Variants in SLC22A2 observed in about 807,000 individuals in gnomAD.
The protein encoded by SLC22A2 is organic cation transporter 2.
In SLC22A2, 46 loss-of-function variants were observed where a neutral mutation model predicts 60.5. The observed-to-expected ratio is 0.76, with a 90% CI of 0.60 to 0.97. The LOEUF is 0.97. Ranked by LOEUF, SLC22A2 falls within the 50% of genes least tolerant of loss-of-function variation. The pLI, the probability that SLC22A2 is intolerant of heterozygous loss-of-function variation, is 0.00. For synonymous variants in SLC22A2, 303 were observed against 267.0 expected (o/e 1.13, Z -1.31); for missense variants, 701 against 706.6 (o/e 0.99, Z 0.09).
chr6:160,240,651 G>A (rs1480475754), intron 9 of SLC22A2, among the ~76,000 whole-genome samples: 1 of 152,130 alleles, frequency 6.6e-6, no homozygotes, highest in South Asian at 2.1e-4. Flanking sequence ...AAGGATTCTG[G>A]GGGTCCTGAG....
chr6:160,221,105 T>C (rs979830974), intron 10 of SLC22A2, among the ~76,000 whole-genome samples: 6 of 152,256 alleles, frequency 3.9e-5, no homozygotes, highest in African/African-American at 1.4e-4. Context: ...AAGGCTGTTG[T>C]GTCTATATTG....
At chr6:160,239,913 G>T (rs1782971114) in intron 9 of SLC22A2, among the ~76,000 whole-genome samples, 1 of 152,126 alleles carries the variant, frequency 6.6e-6, no homozygotes, top group Non-Finnish European at 1.5e-5. Context: ...TAGAGTGGTG[G>T]AAAATTTTCC....
intron 9 of SLC22A2, among the ~76,000 whole-genome samples, chr6:160,233,304 C>T (rs1782855430): frequency 6.6e-6 from 1 of 151,832 alleles, no homozygotes; most frequent in South Asian, 2.1e-4. Flanking sequence ...TCGTTTTGGC[C>T]TTCCCACCTC....
At chr6:160,251,666 A>G (rs547622189) in intron 2 of SLC22A2, among the ~76,000 whole-genome samples, 1 of 152,334 alleles carries the variant, frequency 6.6e-6, no homozygotes, top group Non-Finnish European at 1.5e-5. Flanking sequence ...TTCACAGAAA[A>G]CAATGTTTAT....
intron 2 of SLC22A2, among the ~76,000 whole-genome samples, chr6:160,252,242 A>C (rs748273666): frequency 2.6e-5 from 4 of 152,186 alleles, no homozygotes; most frequent in Non-Finnish European, 5.9e-5. Context: ...CTCAAAGAGT[A>C]TATAATCTAT....
chr6:160,258,119 A>G (rs887403717), intron 1 of SLC22A2: 2 of 559,970 alleles, frequency 3.6e-6, no homozygotes, highest in Non-Finnish European at 3.1e-6. Flanking sequence ...TGCACAAACT[A>G]GAATCATTAT....
At chr6:160,219,426 C>A (rs1258345463) in intron 10 of SLC22A2, among the ~76,000 whole-genome samples, 2 of 151,356 alleles carry the variant, frequency 1.3e-5, no homozygotes, top group African/African-American at 2.4e-5. Context: ...TGACTACTAA[C>A]TAAATACCAA....
At chr6:160,219,200 G>A (rs199693777) in intron 10 of SLC22A2, among the ~76,000 whole-genome samples, 3 of 1,308 alleles carry the variant, frequency 2.3e-3, no homozygotes, top group East Asian at 0.022. Context: ...AACAGTAGCA[G>A]CAGTAGGAAC....
chr6:160,252,717 T>C (rs1266589993), intron 2 of SLC22A2, among the ~76,000 whole-genome samples: 1 of 152,128 alleles, frequency 6.6e-6, no homozygotes, highest in Non-Finnish European at 1.5e-5. Context: ...AATACAGAAT[T>C]TTGGGCCCAC....
chr6:160,241,471 T>C lies in SLC22A2; in HGVS notation c.1501+3A>G, dbSNP rs573281332. The C allele has an allele frequency of 6.3e-7, 1 of 1,598,418 alleles. No homozygotes were observed. The highest frequency in any genetic ancestry group is 1.1e-5 in the South Asian group (1 of 90,740). Reference sequence around the variant, plus strand: ...CTTAAAGACATCTGTGAAGATTTCTTACCGAAAACCATCAGCGGGAGCTCA... The same window carrying C: ...CTTAAAGACATCTGTGAAGATTTCTCACCGAAAACCATCAGCGGGAGCTCA... On this transcript the variant is annotated splice_donor_region_variant and intron_variant, in intron 9 of 10. Coordinates refer to ENST00000366953, the MANE Select transcript of SLC22A2 (RefSeq NM_003058.4).
chr6:160,242,227 TGTG>T (rs1490686222), intron 8 of SLC22A2, 64 bp downstream of exon 8: 2 of 874,258 alleles, frequency 2.3e-6, no homozygotes, highest in Non-Finnish European at 2.0e-6. Flanking sequence ...TGTCTGCACT[TGTG>T]GTGGTTCCAG....
At chr6:160,243,118 C>T (rs1783037226) in intron 7 of SLC22A2, among the ~76,000 whole-genome samples, 1 of 152,114 alleles carries the variant, frequency 6.6e-6, no homozygotes, top group African/African-American at 2.4e-5. Flanking sequence ...TATTTGTTCC[C>T]CTTCGTTGAG....
intron 9 of SLC22A2, among the ~76,000 whole-genome samples, chr6:160,226,961 T>C (rs1267486454): frequency 6.6e-6 from 1 of 152,100 alleles, no homozygotes; most frequent in African/African-American, 2.4e-5. Context: ...AACAGACTCT[T>C]TGTAGCAATA....
At chr6:160,250,419 C>A (rs1039461984) in intron 3 of SLC22A2, 129 bp downstream of exon 3, 79 of 853,488 alleles carry the variant, frequency 9.3e-5, no homozygotes, top group Non-Finnish European at 1.5e-4. Flanking sequence ...TCTTTTGATA[C>A]AGAAATAAAA....
chr6:160,254,277 CAAAAAATAA>C (rs1783233860), intron 2 of SLC22A2, among the ~76,000 whole-genome samples: 1 of 151,214 alleles, frequency 6.6e-6, no homozygotes, highest in African/African-American at 2.4e-5. Context: ...GACTCTGTCT[CAAAAAATAA>C]AAAAAATAAA....
At chr6:160,245,658 A>G in intron 5 of SLC22A2, 113 bp from the exon 6 acceptor site, 1 of 513,088 alleles carries the variant, frequency 1.9e-6, no homozygotes, top group South Asian at 3.6e-5. Context: ...CATGCCCAGC[A>G]CTAGAGCAAG....
intron 9 of SLC22A2, among the ~76,000 whole-genome samples, chr6:160,237,946 T>G (rs916022941): frequency 3.9e-5 from 6 of 152,232 alleles, no homozygotes; most frequent in South Asian, 2.1e-4. Flanking sequence ...ACAAATGCCA[T>G]GGCAACATCA....
rs370430476 is a variant in SLC22A2, at chr6:160,243,530, C to T, written c.1279+42G>A. 195 of 1,389,412 alleles carry T rather than the reference C, an allele frequency of 1.4e-4. 1 individual carries two copies. The highest frequency in any genetic ancestry group is 1.8e-4 in the Middle Eastern group (1 of 5,556). 86.1% of individuals were successfully genotyped at this position (1,389,412 alleles called of 1,614,324 possible). On this transcript the variant is annotated intron_variant, in intron 7 of 10. Transcript: ENST00000366953. ...AATGGGCCGTGACACTCCCTTTCTCCAGGGTCTTGGAGATAAGACTCCAAC... is the reference window on the plus strand; with the variant it reads ...AATGGGCCGTGACACTCCCTTTCTCTAGGGTCTTGGAGATAAGACTCCAAC...
At chr6:160,225,316 C>A (rs1438983116) in intron 9 of SLC22A2, among the ~76,000 whole-genome samples, 1 of 152,032 alleles carries the variant, frequency 6.6e-6, no homozygotes, top group African/African-American at 2.4e-5. Flanking sequence ...TTCTTTGTCT[C>A]TAGCTATAAT....
Sources: allele counts gnomAD v4.1 joint callset (sites outside exome capture counted in the v4.1 genomes callset), GRCh38; gene constraint gnomAD v4.1.1; transcripts MANE v1.5; gene names NCBI Gene and HGNC (gene_info 2026-07-23, HGNC 2026-07-21).